Variants in SLC4A1AP observed in about 807,000 individuals in gnomAD.
SLC4A1AP encodes kanadaptin.
SLC4A1AP carries 64 observed loss-of-function variants against 89.7 expected under a neutral mutation model. That is an observed-to-expected ratio of 0.71 (90% CI 0.58 to 0.88). The LOEUF (loss-of-function observed/expected upper bound fraction) is 0.88. Ranked by LOEUF, SLC4A1AP falls within the 40% of genes least tolerant of loss-of-function variation. The pLI is 0.00. For synonymous variants in SLC4A1AP, 366 were observed against 353.3 expected (o/e 1.04, Z -0.40); for missense variants, 931 against 965.0 (o/e 0.96, Z 0.47).
intron 3 of SLC4A1AP, among the ~76,000 whole-genome samples, chr2:27,668,467 TGA>T (rs1477945565): frequency 1.3e-5 from 2 of 152,132 alleles, no homozygotes; most frequent in Non-Finnish European, 2.9e-5. Context: ...GTTCTTTTTT[TGA>T]GACAGGGTCT....
Position 27,677,995 on chromosome 2 carries a change from ATCT to A in SLC4A1AP, c.1763+76_1763+78del, listed in dbSNP as rs1558507881. On this transcript the variant is annotated intron_variant, in intron 8 of 13. Transcript: ENST00000613058. ...AGATAACATTTTCAATTATCGCTTT[ATCT>A]TCTTAAATAATCATTATATAATACA... 4.1e-6 allele frequency: 4 copies of A among 986,068 alleles called. No individual in the cohort carries two copies. In the African/African-American group the frequency reaches 6.7e-5, roughly 16 times the overall value. The allele number at this position is 986,068 out of a possible 1,614,324, so 61.1% of individuals were successfully genotyped here. A position where few individuals can be genotyped will look rare whatever the true frequency, so the allele number is the denominator to read the frequency against.
intron 5 of SLC4A1AP, among the ~76,000 whole-genome samples, chr2:27,669,827 T>A (rs7562863): frequency 0.54 from 82,494 of 151,792 alleles, 23,235 homozygotes; most frequent in African/African-American, 0.61. Flanking sequence ...AGTAGCTGGG[T>A]CTATAGGTTG....
At chr2:27,690,480 TTTTTTA>T (rs1225067388) in intron 12 of SLC4A1AP, among the ~76,000 whole-genome samples, 3 of 152,234 alleles carry the variant, frequency 2.0e-5, no homozygotes, top group South Asian at 2.1e-4. Context: ...AAAAATTTTA[TTTTTTA>T]TTTTTATTTT....
chr2:27,689,361 G>A (rs1675753560), intron 12 of SLC4A1AP, among the ~76,000 whole-genome samples: 1 of 152,140 alleles, frequency 6.6e-6, no homozygotes, highest in South Asian at 2.1e-4. Flanking sequence ...TCACAGGTTA[G>A]GTCATTCACG....
chr2:27,673,498 A>G (rs1019883952), intron 5 of SLC4A1AP, among the ~76,000 whole-genome samples: 2 of 127,012 alleles, frequency 1.6e-5, no homozygotes, highest in African/African-American at 3.0e-5. Flanking sequence ...TCTTTCCTCT[A>G]TGCTGCCCAG....
chr2:27,668,510 C>T (rs906907453), intron 3 of SLC4A1AP: 63 of 458,976 alleles, frequency 1.4e-4, no homozygotes, highest in Non-Finnish European at 1.4e-4. Context: ...AGTGCAATGG[C>T]GCAATCTTGG....
At chr2:27,689,407 A>G (rs1675754162) in intron 12 of SLC4A1AP, among the ~76,000 whole-genome samples, 1 of 152,184 alleles carries the variant, frequency 6.6e-6, no homozygotes, top group Admixed American at 6.5e-5. Flanking sequence ...TTGTACTTGC[A>G]TCTATGATAT....
At chr2:27,676,712 C>A (rs1375583111) in intron 6 of SLC4A1AP, among the ~76,000 whole-genome samples, 1 of 151,582 alleles carries the variant, frequency 6.6e-6, no homozygotes, top group Admixed American at 6.6e-5. Flanking sequence ...TGCCTGTAGT[C>A]CTAGCTACTC....
At chr2:27,692,480 G>A (rs1319287928) in intron 12 of SLC4A1AP, 5 of 152,186 alleles carry the variant, frequency 3.3e-5, no homozygotes, top group Admixed American at 3.3e-4. Context: ...CAGTTCTGGA[G>A]TAGATGTTCT....
At chr2:27,677,231 A>T (rs1272498281) in intron 6 of SLC4A1AP, 64 bp from the exon 7 acceptor site, 1 of 1,012,922 alleles carries the variant, frequency 9.9e-7, no homozygotes, top group African/African-American at 1.6e-5. Context: ...TAATTAAAAC[A>T]GGAGGATGAA....
intron 3 of SLC4A1AP, among the ~76,000 whole-genome samples, chr2:27,668,376 T>C (rs1675368222): frequency 6.6e-6 from 1 of 152,136 alleles, no homozygotes; most frequent in African/African-American, 2.4e-5. Flanking sequence ...GGTCTCGATC[T>C]CCTGACCTCG....
intron 10 of SLC4A1AP, among the ~76,000 whole-genome samples, chr2:27,687,217 T>C (rs144611862): frequency 6.6e-6 from 1 of 152,286 alleles, no homozygotes; most frequent in African/African-American, 2.4e-5. Flanking sequence ...TATGCCATAA[T>C]GTATTTAGTC....
chr2:27,688,694 A>C lies in SLC4A1AP; in HGVS notation c.2204-6A>C. On this transcript the variant is annotated splice_region_variant and splice_polypyrimidine_tract_variant and intron_variant, in intron 11 of 13. Coordinates refer to ENST00000613058, the Ensembl canonical transcript of SLC4A1AP. The stretch of plus-strand genomic sequence containing the variant: ...AGCTATTGCCAGTTTTTTTTTCTTA[A>C]ATTAGCATCAAAGAATGAATATGAG... 2 of 1,587,080 alleles carry C rather than the reference A, an allele frequency of 1.3e-6. No individual in the cohort carries two copies. Among genetic ancestry groups the C allele is most frequent in the Non-Finnish European group, 1.7e-6 (2 of 1,170,650 alleles).
Position 27,664,209 on chromosome 2 carries a change from C to T in SLC4A1AP, c.457C>T (p.Pro153Ser), listed in dbSNP as rs561359481. 108 of 1,614,152 alleles carry T rather than the reference C, an allele frequency of 6.7e-5. 4 individuals carry two copies. In the South Asian group the frequency reaches 1.1e-3, roughly 17 times the overall value. Residue 153 changes from proline to serine, a missense_variant, in exon 1 of 14, where the codon CCC becomes TCC. Pro to Ser is a moderately conservative substitution (Grantham distance 74). Transcript: ENST00000613058. The stretch of plus-strand genomic sequence containing the variant: ...CCCTGGCGGTCCAGCCCGGGCTCCC[C>T]CCTACCAAGAGCCTCCATGGGGTGG...
chr2:27,686,304 G>T (rs192133652), intron 10 of SLC4A1AP, among the ~76,000 whole-genome samples: 1 of 152,174 alleles, frequency 6.6e-6, no homozygotes, highest in East Asian at 1.9e-4. Context: ...TTTCAAAAAG[G>T]TACTTACATG....
intron 12 of SLC4A1AP, chr2:27,691,528 A>G (rs1203521935): frequency 6.8e-6 from 1 of 147,452 alleles, no homozygotes; most frequent in African/African-American, 2.5e-5. Flanking sequence ...TTTTGTTTCA[A>G]TTTCATTTAG....
intron 8 of SLC4A1AP, among the ~76,000 whole-genome samples, chr2:27,681,606 T>A (rs930169429): frequency 6.6e-6 from 1 of 152,152 alleles, no homozygotes; most frequent in Non-Finnish European, 1.5e-5. Flanking sequence ...TGAATTGCTA[T>A]CCCTTTTGTT....
exon 8 of SLC4A1AP, chr2:27,677,822 G>A (rs141736977): frequency 1.7e-5 from 27 of 1,613,450 alleles, no homozygotes; most frequent in African/African-American, 1.3e-4. Context: ...GGTGTGTCCC[G>A]GAAGAAACTT....
chr2:27,689,878 T>G (rs1428841826), intron 12 of SLC4A1AP, among the ~76,000 whole-genome samples: 1 of 152,210 alleles, frequency 6.6e-6, no homozygotes, highest in Non-Finnish European at 1.5e-5. Flanking sequence ...TTCTAAACCT[T>G]GGCCAAAAGG....
Sources: gnomAD v4.1 joint callset for allele counts (sites outside exome capture counted in the v4.1 genomes callset) on GRCh38, gnomAD v4.1.1 for gene constraint, MANE v1.5 for transcripts, NCBI Gene and HGNC (gene_info 2026-07-23, HGNC 2026-07-21) for gene names.